LINGO2: variants seen among roughly 807,000 people sequenced by gnomAD.
LINGO2 encodes leucine rich repeat and Ig domain containing 2.
In LINGO2, 14 loss-of-function variants were observed where a neutral mutation model predicts 30.6. The observed-to-expected ratio is 0.46, with a 90% CI of 0.30 to 0.72. LINGO2 has a LOEUF of 0.72. LINGO2 is among the 30% of genes least tolerant of loss of function. The probability of loss-of-function intolerance (pLI) is 0.07; values close to 1 mark genes in which losing one functional copy is unlikely to be tolerated. For missense variants in LINGO2, 729 were observed against 751.7 expected (o/e 0.97, Z 0.35); for synonymous variants, 317 against 288.5 (o/e 1.10, Z -1.00).
the LINGO2 span, among the ~76,000 whole-genome samples, chr9:29,050,512 C>T: frequency 2.0e-5 from 3 of 152,110 alleles, no homozygotes; most frequent in Admixed American, 6.6e-5. Flanking sequence ...CAGAAATTAA[C>T]GAGACTGGTT....
the LINGO2 span, among the ~76,000 whole-genome samples, chr9:28,998,298 A>G: frequency 6.6e-6 from 1 of 152,198 alleles, no homozygotes; most frequent in South Asian, 2.1e-4. Flanking sequence ...TGCCAACAAA[A>G]TGTGGGGATA....
At chr9:28,357,315 G>GACCC (rs796282898) in intron 3 of LINGO2, among the ~76,000 whole-genome samples, 2 of 66,056 alleles carry the variant, frequency 3.0e-5, no homozygotes, top group East Asian at 4.0e-4. Flanking sequence ...CAGAAATAAA[G>GACCC]CCCACCCCCC....
intron 1 of LINGO2, among the ~76,000 whole-genome samples, chr9:28,668,459 T>TA (rs1554653449): frequency 2.0e-5 from 3 of 152,072 alleles, no homozygotes; most frequent in Non-Finnish European, 4.4e-5. Flanking sequence ...TGATTTTTTT[T>TA]AAATCCCATA....
At chr9:27,982,757 T>C (rs1051241371) in intron 5 of LINGO2, among the ~76,000 whole-genome samples, 1 of 151,868 alleles carries the variant, frequency 6.6e-6, no homozygotes, top group Admixed American at 6.6e-5. Flanking sequence ...ATCTTAGCTA[T>C]AGCTTTGTGA....
chr9:28,821,595 T>C, the LINGO2 span, among the ~76,000 whole-genome samples: 1 of 152,154 alleles, frequency 6.6e-6, no homozygotes, highest in Non-Finnish European at 1.5e-5. Flanking sequence ...TGTGAAAAAG[T>C]ACTTGGGCAA....
intron 4 of LINGO2, among the ~76,000 whole-genome samples, chr9:28,292,893 C>G (rs1275331652): frequency 6.6e-6 from 1 of 151,838 alleles, no homozygotes; most frequent in Non-Finnish European, 1.5e-5. Context: ...GTCTCAGCCT[C>G]CTGAGTAGCT....
At chr9:28,379,799 T>G (rs1821275890) in intron 2 of LINGO2, among the ~76,000 whole-genome samples, 1 of 152,020 alleles carries the variant, frequency 6.6e-6, no homozygotes, top group Admixed American at 6.6e-5. Context: ...TGGGACACAA[T>G]CTGGGAGGAA....
intron 4 of LINGO2, among the ~76,000 whole-genome samples, chr9:28,158,037 G>A (rs1341643596): frequency 6.6e-6 from 1 of 152,038 alleles, no homozygotes; most frequent in Admixed American, 6.5e-5. Flanking sequence ...CCACATTTTC[G>A]GGTATCTTTT....
At chr9:28,677,639 T>A in the LINGO2 span, among the ~76,000 whole-genome samples, 8 of 152,072 alleles carry the variant, frequency 5.3e-5, no homozygotes, top group Admixed American at 1.3e-4. Context: ...TCTCACATAA[T>A]CCCTTGAGCC....
chr9:28,170,880 T>C (rs1828562310), intron 4 of LINGO2, among the ~76,000 whole-genome samples: 2 of 152,190 alleles, frequency 1.3e-5, no homozygotes, highest in Admixed American at 1.3e-4. Context: ...CATCTCAAGA[T>C]CCTTATCTTA....
chr9:28,297,402 C>G (rs958100462), intron 3 of LINGO2, among the ~76,000 whole-genome samples: 2 of 152,008 alleles, frequency 1.3e-5, no homozygotes, highest in Admixed American at 1.3e-4. Context: ...ATTTGAGCAC[C>G]TCTGTTGTGC....
intron 4 of LINGO2, among the ~76,000 whole-genome samples, chr9:28,283,239 C>A (rs967796933): frequency 1.3e-5 from 2 of 152,102 alleles, no homozygotes; most frequent in African/African-American, 2.4e-5. Flanking sequence ...TATACATTTA[C>A]GTACAAAATT....
At chr9:28,417,411 T>C (rs1231645840) in intron 2 of LINGO2, among the ~76,000 whole-genome samples, 1 of 152,232 alleles carries the variant, frequency 6.6e-6, no homozygotes, top group Non-Finnish European at 1.5e-5. Flanking sequence ...CCAGTAATTA[T>C]GATAGTAATT....
chr9:28,402,414 T>A (rs554953782), intron 2 of LINGO2, among the ~76,000 whole-genome samples: 2 of 152,134 alleles, frequency 1.3e-5, no homozygotes, highest in Admixed American at 6.5e-5. Context: ...AAAGTGAGAT[T>A]AGAAAATAAG....
At chr9:27,940,768 A>G in the LINGO2 span, 1 of 152,262 alleles carries the variant, frequency 6.6e-6, no homozygotes, top group Non-Finnish European at 1.5e-5. Context: ...TTTATGAAGT[A>G]ATACATGACC....
At chr9:28,024,593 C>CT (rs975139704) in intron 4 of LINGO2, among the ~76,000 whole-genome samples, 10 of 152,286 alleles carry the variant, frequency 6.6e-5, no homozygotes, top group African/African-American at 2.4e-4. Context: ...AGGCCAAAGC[C>CT]TCCTTTTGTA....
rs146300407 is a variant in LINGO2, at chr9:28,014,179, C to T, written c.-86-1774G>A. ...TAGAAACACATGAACACAGTTGGTG[C>T]GCTCGAGCATTTGGAAAATTAAATT... On this transcript the variant is annotated intron_variant, in intron 4 of 5. Coordinates refer to ENST00000379992, the Ensembl canonical transcript of LINGO2. Among the ~76,000 whole-genome samples the T allele has an allele frequency of 5.1e-3, 776 of 152,218 alleles. 5 individuals are homozygous for T. Among genetic ancestry groups the T allele is most frequent in the African/African-American group, 0.017 (721 of 41,556 alleles).
Position 28,658,359 on chromosome 9 carries a change from T to C in LINGO2, c.-365+11841A>G, listed in dbSNP as rs186543101. 6.6e-5 allele frequency among the ~76,000 whole-genome samples: 10 copies of C among 152,194 alleles called. No homozygotes were observed. In the East Asian group the frequency reaches 1.9e-3, roughly 29 times the overall value. On this transcript the variant is annotated intron_variant, in intron 1 of 5. Transcript: ENST00000379992. ...AAATTCAAGTCTCCTACTATTATTG[T>C]GGAGCTTTCTATTTCTCTTTTTAAT... is the stretch of plus-strand genomic sequence containing the variant.
At chr9:29,180,249 A>C in the LINGO2 span, among the ~76,000 whole-genome samples, 1 of 152,166 alleles carries the variant, frequency 6.6e-6, no homozygotes, top group Admixed American at 6.5e-5. Context: ...CCTATCAATA[A>C]ATGACTATTG....
Sources: gnomAD v4.1 joint callset for allele counts (sites outside exome capture counted in the v4.1 genomes callset) on GRCh38, gnomAD v4.1.1 for gene constraint, MANE v1.5 for transcripts, NCBI Gene and HGNC (gene_info 2026-07-23, HGNC 2026-07-21) for gene names.